Variants in RANBP2 observed in about 807,000 individuals in gnomAD.
RANBP2 encodes RAN binding protein 2, also known as E3 SUMO-protein ligase RanBP2.
In RANBP2, 57 loss-of-function variants were observed where a neutral mutation model predicts 303.6. That is an observed-to-expected ratio of 0.19 (90% confidence interval 0.15 to 0.23). The LOEUF is 0.23. RANBP2 is among the 10% of genes least tolerant of loss of function. The pLI is 1.00. For synonymous variants in RANBP2, 1,167 were observed against 1,301.5 expected, an observed-to-expected ratio of 0.90 and a Z score of 2.23; for missense variants, 3,138 against 3,780.8, an observed-to-expected ratio of 0.83 and a Z score of 4.46.
the RANBP2 span, among the ~76,000 whole-genome samples, chr2:109,597,259 A>G: frequency 7.2e-5 from 11 of 152,364 alleles, no homozygotes; most frequent in African/African-American, 2.6e-4. Context: ...TTTTTAATAA[A>G]TTAGCAGGAA....
the RANBP2 span, among the ~76,000 whole-genome samples, chr2:109,569,271 A>G: frequency 1.3e-5 from 2 of 152,108 alleles, no homozygotes; most frequent in Admixed American, 6.6e-5. Flanking sequence ...TCCACTAAAA[A>G]TACAAAATAA....
the RANBP2 span, among the ~76,000 whole-genome samples, chr2:109,726,269 G>A: frequency 6.6e-6 from 1 of 151,908 alleles, no homozygotes; most frequent in Non-Finnish European, 1.5e-5. Context: ...GTAGCGGGGT[G>A]TGGTGGCTTG....
the RANBP2 span, among the ~76,000 whole-genome samples, chr2:109,033,972 G>C: frequency 1.4e-5 from 2 of 144,400 alleles, no homozygotes; most frequent in African/African-American, 2.6e-5. Flanking sequence ...AAAAAAAAAG[G>C]TAAGGTTCAG....
chr2:109,272,891 T>C, the RANBP2 span, among the ~76,000 whole-genome samples: 1 of 152,300 alleles, frequency 6.6e-6, no homozygotes, highest in Admixed American at 6.5e-5. Flanking sequence ...CTGACCCGGT[T>C]CCCTTGTCAT....
At chr2:109,437,036 C>T in the RANBP2 span, 3 of 1,613,902 alleles carry the variant, frequency 1.9e-6, no homozygotes, top group Non-Finnish European at 1.7e-6. Context: ...CTGCCCATCA[C>T]CACTCCCCAG....
the RANBP2 span, among the ~76,000 whole-genome samples, chr2:109,114,783 T>G: frequency 1.2e-4 from 19 of 152,270 alleles, no homozygotes; most frequent in East Asian, 3.3e-3. Context: ...GCTATAAATT[T>G]CCCTCTACAC....
Position 108,726,430 on chromosome 2 carries a change from GT to G in RANBP2, c.73-2695del, listed in dbSNP as rs1020681643. On this transcript the variant is annotated intron_variant, in intron 1 of 28. Coordinates refer to ENST00000283195, the MANE Select transcript of RANBP2 (RefSeq NM_006267.5). ...GTGCTTCCTTTAAGTGAAGAGGTGA[GT>G]TTTTTTGTTTTTTTTTTTTTTTGGC... Among the ~76,000 whole-genome samples, 7 of 142,834 alleles carry G rather than the reference GT, an allele frequency of 4.9e-5. No individual in the cohort carries two copies. In the East Asian group the frequency reaches 1.0e-3, roughly 21 times the overall value. 93.7% of individuals were successfully genotyped at this position (142,834 alleles called of 152,430 possible).
the RANBP2 span, chr2:109,585,198 T>C: frequency 6.2e-7 from 1 of 1,612,826 alleles, no homozygotes; most frequent in Non-Finnish European, 8.5e-7. Flanking sequence ...AACATTACTT[T>C]CCTGGAGTTC....
chr2:109,471,093 G>T, the RANBP2 span, among the ~76,000 whole-genome samples: 2 of 150,872 alleles, frequency 1.3e-5, no homozygotes, highest in African/African-American at 4.9e-5. Context: ...GTTGGCAGGT[G>T]CCTCTAATCC....
At chr2:109,278,315 A>T in the RANBP2 span, among the ~76,000 whole-genome samples, 1 of 152,198 alleles carries the variant, frequency 6.6e-6, no homozygotes, top group Non-Finnish European at 1.5e-5. Flanking sequence ...CACACATAGC[A>T]GCAGGCTGGT....
the RANBP2 span, among the ~76,000 whole-genome samples, chr2:109,325,571 A>G: frequency 6.6e-6 from 1 of 151,834 alleles, no homozygotes; most frequent in African/African-American, 2.4e-5. Flanking sequence ...ATCCCTTAAT[A>G]TGGCTGCTCT....
chr2:109,690,557 C>A, the RANBP2 span, among the ~76,000 whole-genome samples: 4 of 152,134 alleles, frequency 2.6e-5, no homozygotes, highest in Admixed American at 2.6e-4. Flanking sequence ...TTCACAGTAG[C>A]CTTATTAATT....
At chr2:109,449,768 T>C in the RANBP2 span, among the ~76,000 whole-genome samples, 4 of 152,238 alleles carry the variant, frequency 2.6e-5, 1 homozygote, top group Admixed American at 2.0e-4. Context: ...GAAAATGCCT[T>C]AGTTCCATCT....
chr2:108,877,336 G>A, the RANBP2 span, among the ~76,000 whole-genome samples: 2 of 151,902 alleles, frequency 1.3e-5, no homozygotes, highest in Non-Finnish European at 2.9e-5. Flanking sequence ...GGCGGTGATG[G>A]GCACCTGTGA....
the RANBP2 span, among the ~76,000 whole-genome samples, chr2:109,760,539 G>A: frequency 7.1e-6 from 1 of 140,388 alleles, no homozygotes; most frequent in Non-Finnish European, 1.6e-5. Context: ...GCTGCAGCCA[G>A]CCCGGCCGGC....
At chr2:108,734,395 A>G (rs1321347141) in intron 4 of RANBP2, among the ~76,000 whole-genome samples, 1 of 152,128 alleles carries the variant, frequency 6.6e-6, no homozygotes, top group East Asian at 1.9e-4. Flanking sequence ...TGTTTTAGGC[A>G]GCACCAGTTT....
chr2:109,469,111 G>A, the RANBP2 span, among the ~76,000 whole-genome samples: 1 of 152,184 alleles, frequency 6.6e-6, no homozygotes, highest in Non-Finnish European at 1.5e-5. Flanking sequence ...TTTGCACCTT[G>A]TGGCCCATGC....
chr2:109,492,461 T>G, the RANBP2 span, among the ~76,000 whole-genome samples: 2 of 152,224 alleles, frequency 1.3e-5, no homozygotes, highest in South Asian at 2.1e-4. Flanking sequence ...GAGCTGGGTG[T>G]TCTGCACAGG....
chr2:109,013,255 G>A, the RANBP2 span, among the ~76,000 whole-genome samples: 1 of 152,246 alleles, frequency 6.6e-6, no homozygotes, highest in Non-Finnish European at 1.5e-5. Context: ...TCAGCCAGGG[G>A]ATTAACCTGT....
Sources: gnomAD v4.1 joint callset for allele counts (sites outside exome capture counted in the v4.1 genomes callset) on GRCh38, gnomAD v4.1.1 for gene constraint, MANE v1.5 for transcripts, NCBI Gene and HGNC (gene_info 2026-07-23, HGNC 2026-07-21) for gene names.